Variants in ATOSA observed in about 807,000 individuals in gnomAD.
ATOSA encodes the protein atos homolog A, also known as atos homolog protein A.
the ATOSA span, among the ~76,000 whole-genome samples, chr15:52,694,456 C>G: frequency 6.6e-6 from 1 of 152,058 alleles, no homozygotes; most frequent in South Asian, 2.1e-4. Flanking sequence ...TGAGCCACCG[C>G]ACCCGGCCTG....
chr15:52,595,666 G>A, the ATOSA span, among the ~76,000 whole-genome samples: 1 of 152,028 alleles, frequency 6.6e-6, no homozygotes, highest in African/African-American at 2.4e-5. Context: ...TAGTGAGTGA[G>A]TTGAGCAAGA....
At chr15:52,589,548 A>AG in the ATOSA span, among the ~76,000 whole-genome samples, 4 of 151,904 alleles carry the variant, frequency 2.6e-5, no homozygotes, top group African/African-American at 9.7e-5. Flanking sequence ...TTATTTAAAA[A>AG]AACAGCTTTT....
At chr15:52,627,376 T>A in the ATOSA span, among the ~76,000 whole-genome samples, 1 of 152,216 alleles carries the variant, frequency 6.6e-6, no homozygotes, top group African/African-American at 2.4e-5. Flanking sequence ...AACTCAACTA[T>A]AAACTCTATT....
chr15:52,636,075 T>A, the ATOSA span, among the ~76,000 whole-genome samples: 1 of 144,378 alleles, frequency 6.9e-6, no homozygotes, highest in Non-Finnish European at 1.5e-5. Context: ...AATTAAAATA[T>A]TAAATTAAAA....
chr15:52,695,879 C>T, the ATOSA span, among the ~76,000 whole-genome samples: 1 of 152,216 alleles, frequency 6.6e-6, no homozygotes, highest in East Asian at 1.9e-4. Context: ...GGACAGTCAG[C>T]ACAAAGGCTC....
the ATOSA span, among the ~76,000 whole-genome samples, chr15:52,631,735 A>G: frequency 5.3e-5 from 8 of 152,204 alleles, no homozygotes; most frequent in South Asian, 2.1e-4. Context: ...ACAAATAACT[A>G]AAGTGTTCTA....
At chr15:52,593,326 C>A in the ATOSA span, 3 of 391,720 alleles carry the variant, frequency 7.7e-6, no homozygotes, top group Non-Finnish European at 1.4e-5. Flanking sequence ...TACAGTGTCA[C>A]TAATCAATTT....
At chr15:52,696,415 T>C in the ATOSA span, among the ~76,000 whole-genome samples, 1 of 152,198 alleles carries the variant, frequency 6.6e-6, no homozygotes, top group Non-Finnish European at 1.5e-5. Flanking sequence ...TTGGCCTCCC[T>C]GCCTTTCACT....
At chr15:52,593,681 G>A in the ATOSA span, 1 of 1,558,940 alleles carries the variant, frequency 6.4e-7, no homozygotes, top group South Asian at 1.2e-5. Flanking sequence ...CCCTACCTCG[G>A]CAGTAAAACC....
chr15:52,649,159 T>A, the ATOSA span, among the ~76,000 whole-genome samples: 1 of 152,178 alleles, frequency 6.6e-6, no homozygotes, highest in Non-Finnish European at 1.5e-5. Context: ...ACTGTCGATA[T>A]GTGAAAATGC....
chr15:52,618,719 T>TTG, the ATOSA span, among the ~76,000 whole-genome samples: 1 of 152,186 alleles, frequency 6.6e-6, no homozygotes, highest in East Asian at 1.9e-4. Context: ...GGGTCTTGCT[T>TTG]TGTTGCCCAG....
the ATOSA span, among the ~76,000 whole-genome samples, chr15:52,708,922 G>A: frequency 1.3e-5 from 2 of 152,030 alleles, no homozygotes; most frequent in Non-Finnish European, 2.9e-5. Flanking sequence ...GACTTAACCG[G>A]AAATCACAAA....
chr15:52,602,469 T>G, the ATOSA span, among the ~76,000 whole-genome samples: 2 of 152,210 alleles, frequency 1.3e-5, no homozygotes, highest in South Asian at 4.1e-4. Flanking sequence ...TCATCTTCAG[T>G]AAGACGTATT....
At chr15:52,596,701 G>A in the ATOSA span, among the ~76,000 whole-genome samples, 1 of 152,118 alleles carries the variant, frequency 6.6e-6, no homozygotes, top group Admixed American at 6.5e-5. Flanking sequence ...ATCCCACAAT[G>A]CACAAACAGC....
the ATOSA span, among the ~76,000 whole-genome samples, chr15:52,589,297 T>C: frequency 2.0e-5 from 3 of 152,206 alleles, no homozygotes; most frequent in African/African-American, 4.8e-5. Flanking sequence ...GAAAAAGATA[T>C]GGTATATTAT....
chr15:52,656,652 C>T, the ATOSA span: 2 of 152,038 alleles, frequency 1.3e-5, no homozygotes, highest in Middle Eastern at 3.2e-3. Context: ...ATCATTCATA[C>T]TACATTGTTT....
the ATOSA span, among the ~76,000 whole-genome samples, chr15:52,653,279 G>A: frequency 6.6e-6 from 1 of 152,148 alleles, no homozygotes; most frequent in Non-Finnish European, 1.5e-5. Context: ...TTTTAAGTGA[G>A]AAGCCACAAA....
At chr15:52,658,460 T>C in the ATOSA span, 1 of 332,930 alleles carries the variant, frequency 3.0e-6, no homozygotes, top group Non-Finnish European at 5.4e-6. Flanking sequence ...AATACCTCAA[T>C]AGTTTTCACC....
the ATOSA span, among the ~76,000 whole-genome samples, chr15:52,705,652 T>C: frequency 1.3e-5 from 2 of 152,168 alleles, no homozygotes; most frequent in Non-Finnish European, 2.9e-5. Flanking sequence ...CAGTGAATTC[T>C]TAAGTATATA....
Sources: gnomAD v4.1 joint callset for allele counts (sites outside exome capture counted in the v4.1 genomes callset) on GRCh38, gnomAD v4.1.1 for gene constraint, MANE v1.5 for transcripts, NCBI Gene and HGNC (gene_info 2026-07-23, HGNC 2026-07-21) for gene names.